Variants in MICOS10 observed in about 807,000 individuals in gnomAD.
MICOS10 encodes mitochondrial contact site and cristae organizing system subunit 10, also known as MICOS complex subunit MIC10.
MICOS10 carries 5 observed loss-of-function variants against 13.4 expected under a neutral mutation model. The observed-to-expected ratio is 0.37, with a 90% CI of 0.20 to 0.78. The LOEUF (loss-of-function observed/expected upper bound fraction) is 0.78. Ranked by LOEUF, MICOS10 falls within the 30% of genes least tolerant of loss-of-function variation. MICOS10 has a pLI of 0.47. For missense variants in MICOS10, 101 were observed against 94.6 expected, an observed-to-expected ratio of 1.07 and a Z score of -0.28; for synonymous variants, 35 against 33.6, an observed-to-expected ratio of 1.04 and a Z score of -0.15.
chr1:19,599,979 ATATTTAT>A (rs2094807613), intron 1 of MICOS10, among the ~76,000 whole-genome samples: 1 of 152,168 alleles, frequency 6.6e-6, no homozygotes. Context: ...CAAGCAACAA[ATATTTAT>A]TGAGCTGTGG....
chr1:19,597,000 G>C lies in MICOS10; in HGVS notation c.-46G>C. 6.4e-7 allele frequency: 1 copy of C among 1,556,248 alleles called. No homozygotes were observed. Among genetic ancestry groups the C allele is most frequent in the Non-Finnish European group, 8.7e-7 (1 of 1,155,012 alleles). On this transcript the variant is annotated 5_prime_UTR_variant, in exon 1 of 4. Coordinates refer to ENST00000322753, the MANE Select transcript of MICOS10 (RefSeq NM_001032363.4). ...TCTCGCGAGACTTTCAGGGGTCGGA[G>C]CGCGGGGGCCGGCCGAGAGGAAAGC...
chr1:19,601,260 C>G (rs1209715989), intron 1 of MICOS10: 7 of 329,274 alleles, frequency 2.1e-5, no homozygotes, highest in Non-Finnish European at 3.6e-5. Flanking sequence ...TTATAAATAC[C>G]CTTGCCCCCA....
chr1:19,624,542 C>A (rs1309595873), intron 3 of MICOS10, among the ~76,000 whole-genome samples: 1 of 152,144 alleles, frequency 6.6e-6, no homozygotes, highest in Non-Finnish European at 1.5e-5. Flanking sequence ...CCCGTCTCGG[C>A]CTCCCAAAGT....
chr1:19,611,970 C>CAA (rs1198566051), intron 1 of MICOS10, among the ~76,000 whole-genome samples: 62 of 91,380 alleles, frequency 6.8e-4, no homozygotes, highest in Non-Finnish European at 1.1e-3. Context: ...GGCTCCATCT[C>CAA]AAAAAAAAAA....
intron 1 of MICOS10, among the ~76,000 whole-genome samples, chr1:19,618,274 T>TTTTA (rs923470122): frequency 1.4e-5 from 2 of 147,376 alleles, no homozygotes; most frequent in African/African-American, 5.4e-5. Flanking sequence ...CCTGGCTGAT[T>TTTTA]TTTATTTATT....
intron 1 of MICOS10, among the ~76,000 whole-genome samples, chr1:19,607,772 A>G (rs1342236435): frequency 2.0e-5 from 3 of 152,220 alleles, no homozygotes; most frequent in East Asian, 3.8e-4. Flanking sequence ...AGTCAAACCA[A>G]TTTTTAAAAA....
At chr1:19,600,661 G>A (rs1413016541) in intron 1 of MICOS10, 1 of 339,452 alleles carries the variant, frequency 2.9e-6, no homozygotes, top group African/African-American at 2.2e-5. Context: ...GAGTGCAGTG[G>A]TGCAATCACA....
At chr1:19,597,215 T>TCGGCCTTTTCCGGCCCCTC in intron 1 of MICOS10, 106 bp downstream of exon 1, 1 of 1,259,474 alleles carries the variant, frequency 7.9e-7, no homozygotes. Context: ...GTCAGGCCTC[T>TCGGCCTTTTCCGGCCCCTC]CGGCCTTTTC....
At chr1:19,607,698 CAAAG>C (rs1398042894) in intron 1 of MICOS10, among the ~76,000 whole-genome samples, 1 of 152,138 alleles carries the variant, frequency 6.6e-6, no homozygotes, top group Middle Eastern at 3.2e-3. Flanking sequence ...AAGTAGCTCT[CAAAG>C]AAATTTATAG....
Position 19,597,070 on chromosome 1 carries a change from A to C in MICOS10, c.25A>C (p.Lys9Gln). Reference sequence around the variant, plus strand: ...CATGTCTGAGTCGGAGCTCGGCAGGAAGTGGGACCGGTGTCTGGCGGATGC... The same window carrying C: ...CATGTCTGAGTCGGAGCTCGGCAGGCAGTGGGACCGGTGTCTGGCGGATGC... Reference protein sequence around the residue: MSESELGRKWDRCLADAVV... With the variant: MSESELGRQWDRCLADAVV... Residue 9 changes from lysine (K) to glutamine (Q), a missense_variant, in exon 1 of 4, where the codon AAG (lysine) becomes CAG (glutamine). Transcript: ENST00000322753. 1.9e-6 allele frequency: 3 copies of C among 1,595,796 alleles called. No homozygotes were observed. Among genetic ancestry groups the C allele is most frequent in the Non-Finnish European group, 2.6e-6 (3 of 1,173,174 alleles).
At chr1:19,601,587 A>AG (rs1476620709) in intron 1 of MICOS10, among the ~76,000 whole-genome samples, 2 of 151,830 alleles carry the variant, frequency 1.3e-5, no homozygotes, top group South Asian at 2.1e-4. Context: ...AAAAAAAAAA[A>AG]AAAAGAAAAG....
At chr1:19,617,491 C>T (rs545458667) in intron 1 of MICOS10, among the ~76,000 whole-genome samples, 18 of 152,190 alleles carry the variant, frequency 1.2e-4, no homozygotes, top group Non-Finnish European at 2.5e-4. Flanking sequence ...ATGGCATTTA[C>T]ATGTGGACAC....
At chr1:19,611,233 C>G (rs1238297272) in intron 1 of MICOS10, among the ~76,000 whole-genome samples, 2 of 152,066 alleles carry the variant, frequency 1.3e-5, no homozygotes, top group African/African-American at 4.8e-5. Context: ...ATTACAGGTG[C>G]AAGCCACTGC....
chr1:19,610,212 A>G (rs2100278510), intron 1 of MICOS10, among the ~76,000 whole-genome samples: 1 of 152,194 alleles, frequency 6.6e-6, no homozygotes, highest in Middle Eastern at 3.4e-3. Context: ...AATAGAAGGC[A>G]GAGATTGTTT....
chr1:19,622,016 G>A, intron 1 of MICOS10, 84 bp from the exon 2 acceptor site: 1 of 986,760 alleles, frequency 1.0e-6, no homozygotes, highest in Non-Finnish European at 1.6e-6. Flanking sequence ...TCTGTTTAAT[G>A]ATGTTCACAT....
At position 19,629,687 on chromosome 1, in the gene MICOS10, C is replaced by A. The variant is rs1180675020; in HGVS notation, c.*3286C>A. 6.6e-6 allele frequency: 1 copy of A among 152,120 alleles called. No individual in the cohort carries two copies. The highest frequency in any genetic ancestry group is 2.1e-4 in the South Asian group (1 of 4,826). 9.4% of individuals were successfully genotyped at this position (152,120 alleles called of 1,614,324 possible). ...CGATGTAGTTTTGCTTTTAGTTTTC[C>A]CAAACCTGTTTACATTTTTTAAAAA... On this transcript the variant is annotated 3_prime_UTR_variant, in exon 4 of 4. Coordinates refer to ENST00000322753, the MANE Select transcript of MICOS10 (RefSeq NM_001032363.4).
intron 1 of MICOS10, chr1:19,608,039 G>T: frequency 1.4e-6 from 1 of 723,918 alleles, no homozygotes; most frequent in South Asian, 1.6e-5. Context: ...AAGGGTCGTA[G>T]ACCTAAATAT....
Position 19,597,069 on chromosome 1 carries a change from G to A in MICOS10, c.24G>A (p.Arg8=), listed in dbSNP as rs778697030. 3.1e-6 allele frequency: 5 copies of A among 1,595,776 alleles called. No individual in the cohort carries two copies. In the Admixed American group the frequency reaches 7.1e-5, roughly 23 times the overall value. The part of the protein sequence containing the change: MSESELG[R]KWDRCLADAV... ...ACATGTCTGAGTCGGAGCTCGGCAG[G>A]AAGTGGGACCGGTGTCTGGCGGATG... The change falls in exon 1 of 4, where the codon AGG becomes AGA. Residue 8 remains arginine (R), a synonymous_variant. Coordinates refer to ENST00000322753, the MANE Select transcript of MICOS10 (RefSeq NM_001032363.4).
At chr1:19,598,271 A>G (rs2094800462) in intron 1 of MICOS10, 1 of 152,148 alleles carries the variant, frequency 6.6e-6, no homozygotes, top group Non-Finnish European at 1.5e-5. Flanking sequence ...CGGCAGTAAT[A>G]ATTATTACTA....
Sources: allele counts gnomAD v4.1 joint callset (sites outside exome capture counted in the v4.1 genomes callset), GRCh38; gene constraint gnomAD v4.1.1; transcripts MANE v1.5; gene names NCBI Gene and HGNC (gene_info 2026-07-23, HGNC 2026-07-21).